USPL1: variants seen among roughly 807,000 people sequenced by gnomAD.
USPL1 encodes ubiquitin specific peptidase like 1, also known as SUMO-specific isopeptidase USPL1.
Under a neutral mutation model 51.5 loss-of-function variants are expected in USPL1, and 27 were observed. The ratio of observed to expected loss-of-function variants is 0.52; its 90% CI spans 0.39 to 0.72. The LOEUF (loss-of-function observed/expected upper bound fraction) is 0.72, where lower values mean the gene tolerates loss of function less well. USPL1 is among the 30% of genes least tolerant of loss of function. USPL1 has a pLI of 0.00. For missense variants in USPL1, 1,226 were observed against 1,268.0 expected (o/e 0.97, Z 0.50); for synonymous variants, 451 against 459.6 (o/e 0.98, Z 0.24).
At chr13:30,646,225 T>A (rs1951015913) in intron 6 of USPL1, among the ~76,000 whole-genome samples, 1 of 152,216 alleles carries the variant, frequency 6.6e-6, no homozygotes, top group East Asian at 1.9e-4. Context: ...AGTTGAGGTT[T>A]AGTGTACATC....
intron 3 of USPL1, among the ~76,000 whole-genome samples, chr13:30,628,043 ATT>A (rs202119827): frequency 0.015 from 1,882 of 126,868 alleles, 23 homozygotes; most frequent in African/African-American, 0.052. Flanking sequence ...TGCCTGGCTA[ATT>A]TTTTTTTTTT....
intron 3 of USPL1, among the ~76,000 whole-genome samples, chr13:30,626,183 A>C (rs1950713072): frequency 6.6e-6 from 1 of 152,048 alleles, no homozygotes; most frequent in Admixed American, 6.6e-5. Flanking sequence ...GTGTGGTGGC[A>C]TATGCCTGTA....
Position 30,631,386 on chromosome 13 carries a change from G to T in USPL1, c.780G>T (p.Ser260=). The T allele has an allele frequency of 6.2e-7, 1 of 1,614,230 alleles. No individual in the cohort carries two copies. Among genetic ancestry groups the T allele is most frequent in the Non-Finnish European group, 8.5e-7 (1 of 1,180,048 alleles). Residue 260 remains serine, a synonymous_variant, in exon 4 of 9, where the codon TCG becomes TCT. Coordinates refer to ENST00000255304, the MANE Select transcript of USPL1 (RefSeq NM_005800.5). ...ELKNTVTGLC[S]KEESIFWRLL... ...AGAACACCGTGACTGGACTGTGCTC[G>T]AAGGAGGAATCTATATTCTGGCGGT...
chr13:30,654,708 G>T (rs1386608634), intron 8 of USPL1, among the ~76,000 whole-genome samples: 1 of 152,076 alleles, frequency 6.6e-6, no homozygotes, highest in Non-Finnish European at 1.5e-5. Context: ...TTTGTTTTGT[G>T]TGTATGTGAG....
At chr13:30,653,442 C>T (rs977314726) in intron 8 of USPL1, 137 bp downstream of exon 8, 2 of 839,682 alleles carry the variant, frequency 2.4e-6, no homozygotes, top group East Asian at 5.5e-5. Flanking sequence ...TCGCCTTTGC[C>T]TTCTGCCCCT....
intron 5 of USPL1, among the ~76,000 whole-genome samples, chr13:30,641,347 C>G (rs1411943421): frequency 6.6e-6 from 1 of 151,900 alleles, no homozygotes; most frequent in African/African-American, 2.4e-5. Flanking sequence ...AGGGGGAGAA[C>G]TGGACCATGG....
At chr13:30,642,522 C>T in intron 5 of USPL1, 106 bp from the exon 6 acceptor site, 2 of 1,361,182 alleles carry the variant, frequency 1.5e-6, no homozygotes, top group Non-Finnish European at 2.0e-6. Context: ...TGTATTAACA[C>T]ATATTCATGC....
At position 30,659,193 on chromosome 13, in the gene USPL1, C is replaced by G; in HGVS notation, c.3116C>G (p.Pro1039Arg). Residue 1039 changes from proline (P) to arginine (R), a missense_variant, in exon 9 of 9, where the codon CCA becomes CGA. By Grantham distance (103) the Pro-to-Arg change is moderately radical. Transcript: ENST00000255304. The stretch of plus-strand genomic sequence containing the variant: ...AAGAAAAATCCATGTGAAGTTCAGC[C>G]AGACTCTCTGACAAATAATGCCTGC... ...PTKKNPCEVQ[P>R]DSLTNNACVR... 6.2e-7 allele frequency: 1 copy of G among 1,614,000 alleles called. No homozygotes were observed. Among genetic ancestry groups the G allele is most frequent in the Non-Finnish European group, 8.5e-7 (1 of 1,180,000 alleles).
chr13:30,620,078 T>C (rs926698022), intron 1 of USPL1, among the ~76,000 whole-genome samples: 1 of 152,250 alleles, frequency 6.6e-6, no homozygotes, highest in African/African-American at 2.4e-5. Flanking sequence ...GATTCGCCGA[T>C]ACTTTCTTTA....
intron 7 of USPL1, 83 bp downstream of exon 7, chr13:30,647,140 G>A: frequency 1.4e-6 from 2 of 1,402,038 alleles, no homozygotes; most frequent in Non-Finnish European, 2.0e-6. Flanking sequence ...TGAAAATGGT[G>A]ACAACAACTT....
intron 4 of USPL1, among the ~76,000 whole-genome samples, chr13:30,632,769 T>C (rs1166352265): frequency 2.0e-5 from 3 of 152,124 alleles, no homozygotes; most frequent in Admixed American, 2.0e-4. Flanking sequence ...GTCAGGATAA[T>C]AGTGGTTAGT....
Position 30,659,094 on chromosome 13 carries a change from C to T in USPL1, c.3017C>T (p.Pro1006Leu), listed in dbSNP as rs143197066. Residue 1006 changes from proline to leucine, a missense_variant, in exon 9 of 9, where the codon CCA becomes CTA. By Grantham distance (98) the Pro-to-Leu change is moderately conservative (BLOSUM62 -3). Coordinates refer to ENST00000255304, the MANE Select transcript of USPL1 (RefSeq NM_005800.5). ...ATGGGAGATAGTCATATCCCACCAC[C>T]AGTACCAAGTGAATTCAATGATGTT... is the stretch of plus-strand genomic sequence containing the variant. Reference protein sequence around the residue: ...LGMGDSHIPPPVPSEFNDVSQ... With the variant: ...LGMGDSHIPPLVPSEFNDVSQ... The T allele has an allele frequency of 2.5e-4, 407 of 1,614,160 alleles. 2 individuals carry two copies. The East Asian group carries it at 8.5e-3, about 34-fold the overall frequency.
chr13:30,634,594 C>G (rs1034963938), intron 4 of USPL1, among the ~76,000 whole-genome samples: 2 of 152,044 alleles, frequency 1.3e-5, no homozygotes, highest in Admixed American at 6.6e-5. Context: ...GTAAATATAA[C>G]AGAATATTCA....
intron 4 of USPL1, among the ~76,000 whole-genome samples, chr13:30,633,239 TGTATTTTATTATTA>T (rs1187526476): frequency 6.6e-6 from 1 of 152,198 alleles, no homozygotes; most frequent in Non-Finnish European, 1.5e-5. Context: ...TTATAATTGT[TGTATTTTATTATTA>T]GTTTTAATCT....
intron 4 of USPL1, 115 bp downstream of exon 4, chr13:30,631,589 T>G: frequency 9.3e-7 from 1 of 1,073,756 alleles, no homozygotes; most frequent in Non-Finnish European, 1.3e-6. Flanking sequence ...CAGCCTTGAC[T>G]TCCCTGGCTC....
chr13:30,622,544 A>G (rs1950659023), intron 3 of USPL1, among the ~76,000 whole-genome samples: 1 of 152,154 alleles, frequency 6.6e-6, no homozygotes, highest in Non-Finnish European at 1.5e-5. Flanking sequence ...AAATAAATTG[A>G]TTTCAGAGGG....
At chr13:30,656,839 AT>A (rs969286201) in intron 8 of USPL1, among the ~76,000 whole-genome samples, 7 of 145,398 alleles carry the variant, frequency 4.8e-5, no homozygotes, top group South Asian at 4.4e-4. Context: ...GCTATTTTCT[AT>A]TTTTTTTTAA....
At chr13:30,637,249 A>C (rs1479810370) in intron 4 of USPL1, among the ~76,000 whole-genome samples, 1 of 152,208 alleles carries the variant, frequency 6.6e-6, no homozygotes, top group African/African-American at 2.4e-5. Context: ...ACCCCTTCAA[A>C]CCCCTCAAAA....
At chr13:30,636,004 T>C (rs1950871117) in intron 4 of USPL1, among the ~76,000 whole-genome samples, 1 of 152,306 alleles carries the variant, frequency 6.6e-6, no homozygotes, top group African/African-American at 2.4e-5. Context: ...ATTCAAGACG[T>C]TATGGTTTTG....
Sources: gnomAD v4.1 joint callset for allele counts (sites outside exome capture counted in the v4.1 genomes callset) on GRCh38, gnomAD v4.1.1 for gene constraint, MANE v1.5 for transcripts, NCBI Gene and HGNC (gene_info 2026-07-23, HGNC 2026-07-21) for gene names.